ASPH: variants seen among roughly 807,000 people sequenced by gnomAD.
ASPH encodes the protein aspartyl/asparaginyl beta-hydroxylase.
In ASPH, 100 loss-of-function variants were observed where a neutral mutation model predicts 118.4. The observed-to-expected ratio is 0.84, with a 90% CI of 0.72 to 1.00. ASPH has a LOEUF of 1.00. Among genes scored for constraint, ASPH ranks in the 50% least tolerant of loss-of-function variants. The probability of loss-of-function intolerance (pLI) is 0.00; values close to 1 mark genes in which losing one functional copy is unlikely to be tolerated. For synonymous variants in ASPH, 315 were observed against 325.6 expected, an observed-to-expected ratio of 0.97 and a Z score of 0.35; for missense variants, 920 against 919.5, an observed-to-expected ratio of 1.00 and a Z score of -0.01.
At chr8:61,556,327 ATC>A (rs1234555921) in intron 18 of ASPH, among the ~76,000 whole-genome samples, 1 of 152,248 alleles carries the variant, frequency 6.6e-6, no homozygotes, top group Non-Finnish European at 1.5e-5. Context: ...TCAGCAAAAT[ATC>A]TCTCAATTGA....
At chr8:61,683,978 G>C in intron 2 of ASPH, 61 bp downstream of exon 2, 5 of 1,547,134 alleles carry the variant, frequency 3.2e-6, no homozygotes, top group Non-Finnish European at 4.4e-6. Context: ...AAATATTCAA[G>C]ACTCCTAAGA....
chr8:61,544,618 T>G (rs528901651), intron 21 of ASPH, among the ~76,000 whole-genome samples: 1 of 152,348 alleles, frequency 6.6e-6, no homozygotes, highest in African/African-American at 2.4e-5. Context: ...ATACCAACTG[T>G]TGCAACTTCT....
intron 16 of ASPH, among the ~76,000 whole-genome samples, chr8:61,571,739 T>C (rs946264769): frequency 5.9e-5 from 9 of 152,186 alleles, no homozygotes; most frequent in African/African-American, 1.7e-4. Context: ...AAGGAAAACT[T>C]CTAAGGTATA....
At chr8:61,630,620 G>A (rs1487909453) in intron 13 of ASPH, among the ~76,000 whole-genome samples, 1 of 151,992 alleles carries the variant, frequency 6.6e-6, no homozygotes, top group Non-Finnish European at 1.5e-5. Flanking sequence ...CTTTCATAAC[G>A]TCCCAGCACA....
intron 21 of ASPH, among the ~76,000 whole-genome samples, chr8:61,531,266 C>T (rs938450553): frequency 6.6e-6 from 1 of 152,138 alleles, no homozygotes; most frequent in African/African-American, 2.4e-5. Context: ...ATAACCCTCC[C>T]GCAGCCATTT....
intron 3 of ASPH, chr8:61,664,247 A>T: frequency 1.0e-6 from 1 of 968,118 alleles, no homozygotes; most frequent in Non-Finnish European, 1.2e-6. Flanking sequence ...TGAAGAGATT[A>T]CATTTGCAAT....
intron 3 of ASPH, chr8:61,663,985 AAT>A (rs1258353733): frequency 1.7e-5 from 15 of 863,900 alleles, no homozygotes; most frequent in African/African-American, 5.5e-5. Flanking sequence ...AAAGTAAATA[AAT>A]ATGTTTTAAA....
intron 3 of ASPH, chr8:61,663,816 A>C: frequency 1.0e-6 from 1 of 982,116 alleles, no homozygotes; most frequent in Non-Finnish European, 1.2e-6. Context: ...GTTTCTGTCA[A>C]CTAAATGTCG....
Position 61,576,792 on chromosome 8 carries a change from C to T in ASPH, c.1129G>A (p.Ala377Thr), listed in dbSNP as rs1010774228. The stretch of plus-strand genomic sequence containing the variant: ...AATACCTGCGCCTTCCCATATCTTG[C>T]TCGTGGACTCTGAGGGTATTTGCGT... ...LVRKYPQSPR[A>T]RYGKAQCEDD... Residue 377 changes from alanine (A) to threonine (T), a missense_variant, in exon 16 of 25, where the codon GCA (alanine) becomes ACA (threonine). Transcript: ENST00000379454. 8 of 1,609,668 alleles carry T rather than the reference C, an allele frequency of 5.0e-6. No individual in the cohort carries two copies. The highest frequency in any genetic ancestry group is 6.8e-6 in the Non-Finnish European group (8 of 1,177,404).
At chr8:61,669,125 C>T (rs1821124236) in intron 3 of ASPH, among the ~76,000 whole-genome samples, 1 of 152,150 alleles carries the variant, frequency 6.6e-6, no homozygotes, top group South Asian at 2.1e-4. Context: ...CACTAAAGAA[C>T]GAAGGTCTAA....
intron 24 of ASPH, among the ~76,000 whole-genome samples, chr8:61,509,728 A>T (rs976791329): frequency 6.6e-5 from 10 of 152,050 alleles, no homozygotes; most frequent in African/African-American, 2.2e-4. Context: ...TAGAGATGGG[A>T]TGCCTTCCTC....
At chr8:61,651,442 AT>A in intron 4 of ASPH, 1 of 228,044 alleles carries the variant, frequency 4.4e-6, no homozygotes, top group Non-Finnish European at 8.4e-6. Context: ...AATTAATAAA[AT>A]TCGCAATAAT....
chr8:61,576,958 T>C, intron 15 of ASPH, 100 bp from the exon 16 acceptor site: 2 of 1,011,584 alleles, frequency 2.0e-6, no homozygotes, highest in Non-Finnish European at 2.8e-6. Context: ...CAGAGTTTCC[T>C]AGATTCCATC....
chr8:61,651,305 T>C (rs1810853010), intron 4 of ASPH, 181 bp from the exon 5 acceptor site: 1 of 452,730 alleles, frequency 2.2e-6, no homozygotes, highest in South Asian at 5.6e-5. Flanking sequence ...GGTAGATATG[T>C]AAAATTTGTT....
Position 61,606,971 on chromosome 8 carries a change from C to T in ASPH, c.976+12007G>A, listed in dbSNP as rs528075054. 2.7e-5 allele frequency: 8 copies of T among 291,110 alleles called. No homozygotes were observed. The South Asian group carries it at 7.4e-4, about 27-fold the overall frequency. 18.0% of individuals were successfully genotyped at this position (291,110 alleles called of 1,614,324 possible). ...GCATGGATGTAATCCTCACCCACTA[C>T]TTGAGGACCAGCTCAAATGTCATCG... is the stretch of plus-strand genomic sequence containing the variant. On this transcript the variant is annotated intron_variant, in intron 14 of 24. Coordinates refer to ENST00000379454, the MANE Select transcript of ASPH (RefSeq NM_004318.4).
At chr8:61,674,034 T>C (rs982099121) in intron 3 of ASPH, among the ~76,000 whole-genome samples, 2 of 152,250 alleles carry the variant, frequency 1.3e-5, no homozygotes, top group African/African-American at 2.4e-5. Flanking sequence ...TATGCATTAG[T>C]AGGGCAAATA....
At chr8:61,547,096 G>T (rs745798620) in intron 21 of ASPH, among the ~76,000 whole-genome samples, 2 of 152,122 alleles carry the variant, frequency 1.3e-5, no homozygotes, top group Non-Finnish European at 2.9e-5. Flanking sequence ...AAAACAACAT[G>T]ATTGGAACTA....
In ASPH at chr8:61,682,407, C is replaced by T. The variant is rs61531105; in HGVS notation, c.254-1371G>A. 20 of 1,597,946 alleles carry T rather than the reference C, an allele frequency of 1.3e-5. No individual in the cohort carries two copies. The East Asian group carries it at 2.2e-4, about 18-fold the overall frequency. On this transcript the variant is annotated intron_variant, in intron 2 of 24. Transcript: ENST00000379454. ...GGATGAGCCATTAGAGAGTAACACA[C>T]GTAGACTTGAAATGCAACTCCAATA...
intron 21 of ASPH, among the ~76,000 whole-genome samples, chr8:61,530,354 A>G (rs1015981524): frequency 6.6e-6 from 1 of 152,218 alleles, no homozygotes; most frequent in Non-Finnish European, 1.5e-5. Flanking sequence ...ACGGCAGCAC[A>G]TGGCTTCATA....
Sources: allele counts gnomAD v4.1 joint callset (sites outside exome capture counted in the v4.1 genomes callset), GRCh38; gene constraint gnomAD v4.1.1; transcripts MANE v1.5; gene names NCBI Gene and HGNC (gene_info 2026-07-23, HGNC 2026-07-21).